Variants in BLTP2 observed in about 807,000 individuals in gnomAD.
The protein encoded by BLTP2 is U937-associated antigen.
chr17:28,642,443 A>C, the BLTP2 span: 1 of 848,238 alleles, frequency 1.2e-6, no homozygotes, highest in Non-Finnish European at 2.0e-6. Context: ...TGAGGTCAGG[A>C]GATCAAGACC....
chr17:28,620,248 GT>G, the BLTP2 span, among the ~76,000 whole-genome samples: 12 of 152,328 alleles, frequency 7.9e-5, no homozygotes, highest in African/African-American at 2.9e-4. Flanking sequence ...AATAGTAAAT[GT>G]TTTTAGAGGT....
At chr17:28,635,506 G>C in the BLTP2 span, 281 of 1,614,192 alleles carry the variant, frequency 1.7e-4, no homozygotes, top group African/African-American at 3.2e-3. Flanking sequence ...AAACACAGTG[G>C]CTCTTAGTAG....
the BLTP2 span, among the ~76,000 whole-genome samples, chr17:28,621,700 C>A: frequency 6.6e-6 from 1 of 152,148 alleles, no homozygotes; most frequent in South Asian, 2.1e-4. Flanking sequence ...ATTCTCCAAC[C>A]CAACTGAGTT....
At chr17:28,643,089 CAG>C in the BLTP2 span, 3 of 1,596,006 alleles carry the variant, frequency 1.9e-6, no homozygotes, top group Non-Finnish European at 2.6e-6. Context: ...GCCCTAAAAA[CAG>C]AAAAATCTAC....
At chr17:28,615,836 G>A in the BLTP2 span, 1 of 1,609,730 alleles carries the variant, frequency 6.2e-7, no homozygotes, top group Non-Finnish European at 8.5e-7. Flanking sequence ...AAAAAGAGGG[G>A]TGGGGAATAC....
the BLTP2 span, chr17:28,639,612 C>T: frequency 1.2e-6 from 2 of 1,614,148 alleles, no homozygotes; most frequent in Non-Finnish European, 1.7e-6. Flanking sequence ...GCAGACAATG[C>T]GTTGGCGACT....
chr17:28,615,891 TCCTACAATAGTAA>T, the BLTP2 span: 1 of 1,375,726 alleles, frequency 7.3e-7, no homozygotes, highest in Non-Finnish European at 1.0e-6. Flanking sequence ...GAGTGCCAAG[TCCTACAATAGTAA>T]CCTACAGATA....
the BLTP2 span, chr17:28,614,461 C>CTT: frequency 2.4e-6 from 1 of 420,614 alleles, no homozygotes; most frequent in Non-Finnish European, 4.0e-6. Context: ...TTTAAAATAT[C>CTT]TTTTTTTTTC....
chr17:28,637,754 C>T, the BLTP2 span: 5 of 1,435,540 alleles, frequency 3.5e-6, no homozygotes, highest in Non-Finnish European at 3.8e-6. Context: ...TCACTGCAAA[C>T]TCTGCCTCCT....
At chr17:28,620,424 G>A in the BLTP2 span, 2 of 1,497,600 alleles carry the variant, frequency 1.3e-6, no homozygotes, top group Admixed American at 1.9e-5. Context: ...GTGAAGCATG[G>A]CTTTTGTTAC....
the BLTP2 span, chr17:28,633,976 T>A: frequency 6.2e-7 from 1 of 1,614,118 alleles, no homozygotes; most frequent in Admixed American, 1.7e-5. Flanking sequence ...AAGTGCAAGA[T>A]CTGACGCCGA....
At chr17:28,642,728 G>A in the BLTP2 span, 1 of 647,992 alleles carries the variant, frequency 1.5e-6, no homozygotes, top group Non-Finnish European at 2.8e-6. Flanking sequence ...GTGGCTAGAA[G>A]GGACAAGGCA....
the BLTP2 span, among the ~76,000 whole-genome samples, chr17:28,629,007 TTTATA>T: frequency 4.6e-5 from 7 of 152,026 alleles, no homozygotes; most frequent in Admixed American, 1.3e-4. Flanking sequence ...GGTCTTGGCT[TTTATA>T]TTATATTACA....
the BLTP2 span, chr17:28,637,199 G>C: frequency 1.4e-5 from 23 of 1,593,228 alleles, 1 homozygote; most frequent in African/African-American, 1.7e-4. Context: ...GTCAGCCTTG[G>C]TTCCCGGCTC....
the BLTP2 span, chr17:28,617,029 A>G: frequency 6.6e-7 from 1 of 1,519,492 alleles, no homozygotes; most frequent in South Asian, 1.2e-5. Flanking sequence ...GAAGAGCCCA[A>G]CCCAATGTCC....
chr17:28,641,941 G>C, the BLTP2 span: 2 of 1,614,130 alleles, frequency 1.2e-6, no homozygotes, highest in Non-Finnish European at 1.7e-6. Flanking sequence ...ACAGCAGTTG[G>C]CTCTGGAAGA....
the BLTP2 span, chr17:28,623,909 G>C: frequency 6.2e-7 from 1 of 1,614,122 alleles, no homozygotes. Flanking sequence ...TGCAGCAGTT[G>C]GGCTTTGGCA....
the BLTP2 span, chr17:28,620,659 G>C: frequency 6.2e-7 from 1 of 1,610,468 alleles, no homozygotes; most frequent in Non-Finnish European, 8.5e-7. Flanking sequence ...CTAAATAAAA[G>C]GCTCAAGTTT....
the BLTP2 span, chr17:28,643,939 G>A: frequency 1.3e-5 from 17 of 1,290,824 alleles, no homozygotes; most frequent in Middle Eastern, 2.2e-4. Context: ...CAAAGAAATG[G>A]CAAGGCTGGG....
Sources: allele counts gnomAD v4.1 joint callset (sites outside exome capture counted in the v4.1 genomes callset), GRCh38; gene constraint gnomAD v4.1.1; transcripts MANE v1.5; gene names NCBI Gene and HGNC (gene_info 2026-07-23, HGNC 2026-07-21).